Variants in ZNF492 observed in about 807,000 individuals in gnomAD.
The protein encoded by ZNF492 is zinc finger protein 492, also known as zinc finger protein 115 (Y20).
Under a neutral mutation model 6.4 loss-of-function variants are expected in ZNF492, and 3 were observed. The ratio of observed to expected loss-of-function variants is 0.47; its 90% CI spans 0.21 to 1.22. The LOEUF is 1.22. Among genes scored for constraint, ZNF492 ranks in the 50% most tolerant of loss-of-function variants. The pLI is 0.22. For missense variants in ZNF492, 356 were observed against 612.5 expected, an observed-to-expected ratio of 0.58 and a Z score of 4.42; for synonymous variants, 112 against 205.3, an observed-to-expected ratio of 0.55 and a Z score of 3.89.
At chr19:22,635,057 A>G (rs1259602834) in intron 1 of ZNF492, among the ~76,000 whole-genome samples, 1 of 152,096 alleles carries the variant, frequency 6.6e-6, no homozygotes, top group Non-Finnish European at 1.5e-5. Flanking sequence ...GTAGTTTCTT[A>G]ATTTTCACCT....
At chr19:22,662,113 G>A (rs1009732941) in intron 3 of ZNF492, among the ~76,000 whole-genome samples, 9 of 152,056 alleles carry the variant, frequency 5.9e-5, no homozygotes, top group South Asian at 4.1e-4. Flanking sequence ...GCCCTGTTGT[G>A]TGATGTTCCC....
chr19:22,643,863 T>C (rs1242374069), intron 1 of ZNF492, among the ~76,000 whole-genome samples: 1 of 152,168 alleles, frequency 6.6e-6, no homozygotes, highest in African/African-American at 2.4e-5. Context: ...ACCTGTGCAC[T>C]AAAGGGTAGT....
chr19:22,666,240 G>C lies in ZNF492; in HGVS notation c.*975G>C, dbSNP rs1972126641. The C allele has an allele frequency of 6.7e-6, 1 of 148,600 alleles. No individual in the cohort carries two copies. The highest frequency in any genetic ancestry group is 1.5e-5 in the Non-Finnish European group (1 of 67,568). 9.2% of individuals were successfully genotyped at this position (148,600 alleles called of 1,614,324 possible). On this transcript the variant is annotated 3_prime_UTR_variant, in exon 4 of 4. Coordinates refer to ENST00000456783, the MANE Select transcript of ZNF492 (RefSeq NM_020855.3). ...CTTGCTCTATCGCCCCCCCAGGCTG[G>C]AGTACAGTGGCACGATCTCAGCTCA...
chr19:22,635,534 A>T (rs138621227), intron 1 of ZNF492, among the ~76,000 whole-genome samples: 32 of 152,372 alleles, frequency 2.1e-4, no homozygotes, highest in African/African-American at 7.7e-4. Context: ...CCATGAGAAG[A>T]AAGCAAGGAA....
intron 3 of ZNF492, among the ~76,000 whole-genome samples, chr19:22,655,661 A>G (rs1971986695): frequency 1.4e-5 from 2 of 139,264 alleles, no homozygotes; most frequent in Admixed American, 1.4e-4. Context: ...TTTGTCTTCA[A>G]TTTCAGTGAC....
chr19:22,637,793 C>T (rs1226506066), intron 1 of ZNF492, among the ~76,000 whole-genome samples: 2 of 152,110 alleles, frequency 1.3e-5, no homozygotes, highest in South Asian at 2.1e-4. Flanking sequence ...TGTGAGGAAT[C>T]GTCACACTAC....
chr19:22,639,968 A>C (rs949672736), intron 1 of ZNF492, among the ~76,000 whole-genome samples: 8 of 151,894 alleles, frequency 5.3e-5, no homozygotes, highest in African/African-American at 1.9e-4. Context: ...ATGTATATTC[A>C]GTATGTTGGC....
At chr19:22,647,140 C>T (rs993093476) in intron 1 of ZNF492, among the ~76,000 whole-genome samples, 7 of 151,976 alleles carry the variant, frequency 4.6e-5, no homozygotes, top group African/African-American at 1.5e-4. Flanking sequence ...ATCTGCCTGC[C>T]TCGGCCTCCC....
At chr19:22,648,305 T>C (rs987115154) in intron 1 of ZNF492, among the ~76,000 whole-genome samples, 8 of 152,236 alleles carry the variant, frequency 5.3e-5, no homozygotes, top group Non-Finnish European at 7.3e-5. Flanking sequence ...TGTTGTGGTC[T>C]GAGAGACTGT....
intron 1 of ZNF492, among the ~76,000 whole-genome samples, chr19:22,645,661 A>C (rs1179707648): frequency 6.6e-6 from 1 of 152,120 alleles, no homozygotes; most frequent in Non-Finnish European, 1.5e-5. Context: ...TGAGTTTTAC[A>C]TTTAAGTCTT....
rs776270223 is a variant in ZNF492, at chr19:22,664,887, A to T, written c.1218A>T (p.Ser406=). 3 of 1,609,858 alleles carry T rather than the reference A, an allele frequency of 1.9e-6. No homozygotes were observed. In the South Asian group the frequency reaches 3.3e-5, roughly 18 times the overall value. The change falls in exon 4 of 4, where the codon TCA becomes TCT. Residue 406 remains serine, a synonymous_variant. Coordinates refer to ENST00000456783, the MANE Select transcript of ZNF492 (RefSeq NM_020855.3). The part of the protein sequence containing the change: ...EECGKAFNLS[S]QLTTHKIIHT... ...GTGGCAAAGCTTTTAACCTATCGTC[A>T]CAACTTACTACACATAAGATAATTC...
intron 1 of ZNF492, among the ~76,000 whole-genome samples, chr19:22,652,729 G>A (rs1433953968): frequency 6.6e-6 from 1 of 151,822 alleles, no homozygotes; most frequent in African/African-American, 2.4e-5. Context: ...ACGGGCTCTC[G>A]CCTCCACGCC....
chr19:22,661,862 C>T (rs1288621585), intron 3 of ZNF492, among the ~76,000 whole-genome samples: 3 of 152,094 alleles, frequency 2.0e-5, no homozygotes, highest in African/African-American at 7.2e-5. Flanking sequence ...CGCCAAAGTG[C>T]TAGGATTACA....
chr19:22,649,745 G>T (rs1224332135), intron 1 of ZNF492, among the ~76,000 whole-genome samples: 2 of 152,018 alleles, frequency 1.3e-5, no homozygotes, highest in Non-Finnish European at 2.9e-5. Flanking sequence ...GTTGATACTT[G>T]TGTATGCTTC....
chr19:22,660,711 G>T (rs192638765), intron 3 of ZNF492, among the ~76,000 whole-genome samples: 51 of 149,898 alleles, frequency 3.4e-4, no homozygotes, highest in African/African-American at 1.2e-3. Flanking sequence ...TATCTTTCCT[G>T]GAAAATAATG....
intron 1 of ZNF492, among the ~76,000 whole-genome samples, chr19:22,650,942 C>T (rs12984634): frequency 0.19 from 29,204 of 152,064 alleles, 3,692 homozygotes; most frequent in African/African-American, 0.36. Context: ...GCTGGTCACC[C>T]CTCCCCTGGG....
rs73927077 is a variant in ZNF492, at chr19:22,651,143, G to A, written c.-93-2164G>A. ...CATTCATTCACCGCCTCCCTTGGCT[G>A]GGGGGTGGGGGCTCCCCTGCCCCGT... On this transcript the variant is annotated intron_variant, in intron 1 of 3. Coordinates refer to ENST00000456783, the MANE Select transcript of ZNF492 (RefSeq NM_020855.3). Among the ~76,000 whole-genome samples the A allele has an allele frequency of 7.2e-3, 1,091 of 151,948 alleles. 19 individuals carry two copies. Among genetic ancestry groups the A allele is most frequent in the African/African-American group, 0.025 (1,054 of 41,448 alleles).
At position 22,651,539 on chromosome 19, in the gene ZNF492, T is replaced by C. The variant is rs563798144; in HGVS notation, c.-93-1768T>C. On this transcript the variant is annotated intron_variant, in intron 1 of 3. Transcript: ENST00000456783. ...AGTTCTTATAATAGTCAAAGGTCTCTGAAAAATATTTCTTTCCTACATACC... is the reference window on the plus strand; with the variant it reads ...AGTTCTTATAATAGTCAAAGGTCTCCGAAAAATATTTCTTTCCTACATACC... 1.2e-3 allele frequency among the ~76,000 whole-genome samples: 186 copies of C among 152,258 alleles called. 1 individual carries two copies. Among genetic ancestry groups the C allele is most frequent in the African/African-American group, 4.3e-3 (180 of 41,512 alleles).
chr19:22,650,522 AG>A (rs1375252367), intron 1 of ZNF492, among the ~76,000 whole-genome samples: 3 of 152,004 alleles, frequency 2.0e-5, no homozygotes, highest in East Asian at 3.9e-4. Flanking sequence ...CGGGGGGAAA[AG>A]CTAAGTCCAC....
Sources: allele counts gnomAD v4.1 joint callset (sites outside exome capture counted in the v4.1 genomes callset), GRCh38; gene constraint gnomAD v4.1.1; transcripts MANE v1.5; gene names NCBI Gene and HGNC (gene_info 2026-07-23, HGNC 2026-07-21).